The following LARGE1 variants were observed in gnomAD, a reference collection of about 807,000 sequenced individuals.
LARGE1 encodes LARGE xylosyl- and glucuronyltransferase 1.
In LARGE1, 43 loss-of-function variants were observed where a neutral mutation model predicts 87.6. The ratio of observed to expected loss-of-function variants is 0.49; its 90% confidence interval spans 0.38 to 0.63. The LOEUF is 0.63. LARGE1 is among the 30% of genes least tolerant of loss of function. The pLI is 0.00. For synonymous variants in LARGE1, 434 were observed against 394.6 expected (o/e 1.10, Z -1.18); for missense variants, 802 against 1,000.2 (o/e 0.80, Z 2.67).
Position 33,273,562 on chromosome 22 carries a change from T to G in LARGE1, c.*865A>C, listed in dbSNP as rs1418188399. The G allele has an allele frequency of 4.5e-5, 18 of 398,716 alleles. No individual in the cohort carries two copies. Among genetic ancestry groups the G allele is most frequent in the Middle Eastern group, 6.3e-4 (1 of 1,588 alleles). 24.7% of individuals were successfully genotyped at this position (398,716 alleles called of 1,614,324 possible). A position where few individuals can be genotyped will look rare whatever the true frequency, so the allele number is the denominator to read the frequency against. ...GGTGTAAAACAGCCAGCCCTCGTAA[T>G]TCCGCAGTCCCCATCGCTATAGCCC... On this transcript the variant is annotated 3_prime_UTR_variant, in exon 15 of 15. Coordinates refer to ENST00000397394, the MANE Select transcript of LARGE1 (RefSeq NM_133642.5).
chr22:33,266,278 A>G (rs1426336577), intron 11 of LARGE1, among the ~76,000 whole-genome samples: 1 of 139,584 alleles, frequency 7.2e-6, no homozygotes, highest in Non-Finnish European at 1.5e-5. Flanking sequence ...CTGGAGTGCA[A>G]TGGTGCTATC....
chr22:33,828,218 T>C (rs1180702370), intron 1 of LARGE1, among the ~76,000 whole-genome samples: 4 of 152,128 alleles, frequency 2.6e-5, no homozygotes, highest in Non-Finnish European at 4.4e-5. Flanking sequence ...AGTAAGTTGA[T>C]CCATGAGAAG....
chr22:33,685,554 CCT>C (rs1212465733), intron 2 of LARGE1, among the ~76,000 whole-genome samples: 4 of 152,112 alleles, frequency 2.6e-5, no homozygotes, highest in Non-Finnish European at 4.4e-5. Flanking sequence ...GGTTATGCCC[CCT>C]GTCTGACTGA....
chr22:33,105,110 G>C, the LARGE1 span, among the ~76,000 whole-genome samples: 10 of 151,552 alleles, frequency 6.6e-5, no homozygotes, highest in South Asian at 1.0e-3. Flanking sequence ...CGATTCTCCT[G>C]CCTCAGCCTC....
rs2065333373 is a variant in LARGE1 at position 33,386,649 on chromosome 22, T to C, written c.893-2345A>G. On this transcript the variant is annotated intron_variant, in intron 7 of 14. Coordinates refer to ENST00000397394, the MANE Select transcript of LARGE1 (RefSeq NM_133642.5). ...TGGAGTTGGGGAGGAAGGTACACAG[T>C]GGAAATTGTTCGCCATAAATGTATT... Among the ~76,000 whole-genome samples the C allele has an allele frequency of 1.3e-5, 2 of 148,758 alleles. 1 individual carries two copies. The highest frequency in any genetic ancestry group is 3.0e-5 in the Non-Finnish European group (2 of 66,540).
chr22:33,704,534 C>G (rs1346802037), intron 2 of LARGE1, among the ~76,000 whole-genome samples: 1 of 152,170 alleles, frequency 6.6e-6, no homozygotes, highest in South Asian at 2.1e-4. Context: ...TGCCGGGAGC[C>G]TCTCGCAACT....
intron 6 of LARGE1, chr22:33,563,261 C>T (rs1161937610): frequency 6.6e-6 from 1 of 152,254 alleles, no homozygotes; most frequent in Non-Finnish European, 1.5e-5. Context: ...CCACCATTCT[C>T]ATCTGATGAG....
At chr22:33,627,295 G>A (rs1272894724) in intron 3 of LARGE1, among the ~76,000 whole-genome samples, 1 of 152,100 alleles carries the variant, frequency 6.6e-6, no homozygotes, top group Non-Finnish European at 1.5e-5. Context: ...ACCACTCTAG[G>A]GCATCCCCGA....
intron 6 of LARGE1, among the ~76,000 whole-genome samples, chr22:33,475,306 GATA>G (rs538595310): frequency 6.6e-6 from 1 of 152,150 alleles, no homozygotes; most frequent in South Asian, 2.1e-4. Context: ...AAATAAGGAT[GATA>G]ATAATAGGAT....
chr22:33,511,248 G>C (rs1027147005), intron 6 of LARGE1, among the ~76,000 whole-genome samples: 8 of 152,182 alleles, frequency 5.3e-5, no homozygotes, highest in Non-Finnish European at 1.2e-4. Context: ...ACCTGTGTGT[G>C]TACTGCTGTA....
chr22:33,870,558 GTT>G (rs2064246250), intron 1 of LARGE1, among the ~76,000 whole-genome samples: 1 of 5,432 alleles, frequency 1.8e-4, no homozygotes, highest in Non-Finnish European at 3.5e-4. Context: ...GACTGTCTGT[GTT>G]GTTGTTGTTG....
At chr22:33,744,837 C>T (rs2084020629) in intron 2 of LARGE1, among the ~76,000 whole-genome samples, 1 of 152,144 alleles carries the variant, frequency 6.6e-6, no homozygotes, top group African/African-American at 2.4e-5. Context: ...TGGGTGAGAA[C>T]GTGGGCTCCA....
chr22:33,320,138 C>A (rs149442889), intron 10 of LARGE1, among the ~76,000 whole-genome samples: 1 of 152,304 alleles, frequency 6.6e-6, no homozygotes, highest in Non-Finnish European at 1.5e-5. Flanking sequence ...TTCCTTCTGA[C>A]CTGTATGATT....
intron 1 of LARGE1, among the ~76,000 whole-genome samples, chr22:33,869,048 G>A (rs993780043): frequency 6.6e-6 from 1 of 152,122 alleles, no homozygotes; most frequent in Non-Finnish European, 1.5e-5. Context: ...GAGAGCAAAA[G>A]GGGGAAAGAA....
At chr22:33,774,694 C>G (rs2085179992) in intron 1 of LARGE1, among the ~76,000 whole-genome samples, 3 of 152,136 alleles carry the variant, frequency 2.0e-5, no homozygotes. Flanking sequence ...ACCTAGTATG[C>G]TTAATATATT....
intron 1 of LARGE1, among the ~76,000 whole-genome samples, chr22:33,769,489 A>C (rs2145801729): frequency 6.6e-6 from 1 of 152,288 alleles, no homozygotes; most frequent in South Asian, 2.1e-4. Context: ...CTAATCAATA[A>C]ATATTTATTG....
At chr22:33,407,708 G>A (rs1435720176) in intron 7 of LARGE1, among the ~76,000 whole-genome samples, 3 of 151,898 alleles carry the variant, frequency 2.0e-5, no homozygotes, top group Admixed American at 6.6e-5. Flanking sequence ...GTCTGCTCCC[G>A]AGACCATGCT....
chr22:33,690,712 C>T lies in LARGE1; in HGVS notation c.107-40044G>A, dbSNP rs1467601448. 5.9e-5 allele frequency among the ~76,000 whole-genome samples: 9 copies of T among 151,448 alleles called. No individual in the cohort carries two copies. In the East Asian group the frequency reaches 1.5e-3, roughly 26 times the overall value. On this transcript the variant is annotated intron_variant, in intron 2 of 14. Coordinates refer to ENST00000397394, the MANE Select transcript of LARGE1 (RefSeq NM_133642.5). ...GAATGGTAAGAGAAATCCCGAGGCC[C>T]ACTTGACAAAGGCAGCCAAGGTGGA...
At chr22:33,357,166 A>G (rs545927711) in intron 9 of LARGE1, among the ~76,000 whole-genome samples, 67 of 152,354 alleles carry the variant, frequency 4.4e-4, no homozygotes, top group Non-Finnish European at 6.5e-4. Context: ...GTGTAGGTAT[A>G]TATATATGAA....
Sources: gnomAD v4.1 joint callset for allele counts (sites outside exome capture counted in the v4.1 genomes callset) on GRCh38, gnomAD v4.1.1 for gene constraint, MANE v1.5 for transcripts, NCBI Gene and HGNC (gene_info 2026-07-23, HGNC 2026-07-21) for gene names.